The following KCNK2 variants were observed in gnomAD, a reference collection of about 807,000 sequenced individuals.
KCNK2 encodes the protein potassium channel subfamily K member 2.
A neutral mutation model predicts 40.5 loss-of-function variants in KCNK2; 21 were observed. That is an observed-to-expected ratio of 0.52 (90% CI 0.37 to 0.75). The LOEUF (loss-of-function observed/expected upper bound fraction) is 0.75. Ranked by LOEUF, KCNK2 falls within the 30% of genes least tolerant of loss-of-function variation. The pLI is 0.00. For missense variants in KCNK2, 399 were observed against 531.6 expected (o/e 0.75, Z 2.45); for synonymous variants, 191 against 202.2 (o/e 0.94, Z 0.47).
intron 6 of KCNK2, among the ~76,000 whole-genome samples, chr1:215,233,262 C>A (rs920217661): frequency 1.3e-5 from 2 of 151,688 alleles, no homozygotes; most frequent in Non-Finnish European, 2.9e-5. Context: ...CAGAGCCAGA[C>A]CTAGATATCA....
intron 3 of KCNK2, among the ~76,000 whole-genome samples, chr1:215,128,746 G>C (rs1169307739): frequency 6.6e-6 from 1 of 151,330 alleles, no homozygotes; most frequent in South Asian, 2.1e-4. Context: ...AGCTGGATTT[G>C]TTTTGGTGAT....
At chr1:215,220,120 T>A (rs935260591) in intron 6 of KCNK2, among the ~76,000 whole-genome samples, 4 of 152,244 alleles carry the variant, frequency 2.6e-5, no homozygotes, top group African/African-American at 7.2e-5. Flanking sequence ...TATTTTATAC[T>A]CATGCATATG....
intron 3 of KCNK2, among the ~76,000 whole-genome samples, chr1:215,136,012 C>T (rs906663427): frequency 3.3e-5 from 5 of 152,116 alleles, no homozygotes; most frequent in African/African-American, 1.2e-4. Context: ...GGATTACAGG[C>T]GTTAGCCACC....
chr1:215,172,556 A>G (rs1571692955), intron 5 of KCNK2, among the ~76,000 whole-genome samples: 1 of 152,154 alleles, frequency 6.6e-6, no homozygotes, highest in African/African-American at 2.4e-5. Context: ...CCTTCTGCTT[A>G]TAAGCATACC....
chr1:215,027,768 A>G (rs1657047482), intron 1 of KCNK2, among the ~76,000 whole-genome samples: 1 of 152,186 alleles, frequency 6.6e-6, no homozygotes, highest in South Asian at 2.1e-4. Context: ...GATGAATTTC[A>G]TTTTTTAAAA....
intron 6 of KCNK2, among the ~76,000 whole-genome samples, chr1:215,200,864 G>A (rs1007583367): frequency 6.6e-5 from 10 of 152,204 alleles, no homozygotes; most frequent in Middle Eastern, 3.2e-3. Context: ...GAGATTTTGC[G>A]TAAATTGGAG....
chr1:215,144,554 A>G (rs1662329707), intron 3 of KCNK2, among the ~76,000 whole-genome samples: 3 of 152,194 alleles, frequency 2.0e-5, no homozygotes, highest in South Asian at 2.1e-4. Context: ...ATAGACAGTC[A>G]GTACTTGAAA....
At chr1:215,010,213 T>A (rs1194200022) in intron 1 of KCNK2, among the ~76,000 whole-genome samples, 1 of 152,210 alleles carries the variant, frequency 6.6e-6, no homozygotes, top group Admixed American at 6.5e-5. Context: ...CAGGTCCAGA[T>A]ATTTTTCGCA....
At chr1:215,064,279 C>T (rs745854971) in intron 1 of KCNK2, among the ~76,000 whole-genome samples, 12 of 151,862 alleles carry the variant, frequency 7.9e-5, no homozygotes, top group Non-Finnish European at 1.6e-4. Flanking sequence ...TCATTTTCAA[C>T]AATTTTTTGT....
chr1:215,033,121 C>T (rs1208214195), intron 1 of KCNK2, among the ~76,000 whole-genome samples: 1 of 151,688 alleles, frequency 6.6e-6, no homozygotes, highest in East Asian at 1.9e-4. Context: ...ATTCTTTCCT[C>T]AGACATGTCC....
intron 3 of KCNK2, among the ~76,000 whole-genome samples, chr1:215,163,877 T>A (rs981334641): frequency 2.6e-5 from 4 of 152,178 alleles, no homozygotes; most frequent in African/African-American, 9.6e-5. Context: ...GGCCTGAATT[T>A]TTTTTGGCGT....
At chr1:215,129,340 G>GTTTC (rs1470460373) in intron 3 of KCNK2, among the ~76,000 whole-genome samples, 2 of 151,934 alleles carry the variant, frequency 1.3e-5, no homozygotes, top group Non-Finnish European at 2.9e-5. Flanking sequence ...TTGTTTGTTT[G>GTTTC]TTTCTTCTTG....
At chr1:215,203,320 C>T (rs1665156832) in intron 6 of KCNK2, among the ~76,000 whole-genome samples, 1 of 152,130 alleles carries the variant, frequency 6.6e-6, no homozygotes. Context: ...CTGCAAACAT[C>T]ACCAAAATGT....
chr1:215,188,610 C>T (rs1488590140), intron 5 of KCNK2, among the ~76,000 whole-genome samples: 1 of 152,046 alleles, frequency 6.6e-6, no homozygotes, highest in Admixed American at 6.6e-5. Context: ...AACCCCCAAG[C>T]AGTTAGTTCA....
intron 1 of KCNK2, among the ~76,000 whole-genome samples, chr1:215,019,150 T>C (rs151008888): frequency 1.3e-4 from 20 of 152,352 alleles, no homozygotes; most frequent in Non-Finnish European, 2.2e-4. Context: ...TTCTATGTAA[T>C]GTTTATACTT....
chr1:215,222,325 A>G (rs1666214692), intron 6 of KCNK2, among the ~76,000 whole-genome samples: 1 of 152,232 alleles, frequency 6.6e-6, no homozygotes, highest in Admixed American at 6.5e-5. Flanking sequence ...ATAGCAGAGC[A>G]GTGAAGAGAA....
intron 2 of KCNK2, among the ~76,000 whole-genome samples, chr1:215,098,431 G>A (rs1022034532): frequency 6.6e-6 from 1 of 151,802 alleles, no homozygotes; most frequent in Admixed American, 6.6e-5. Flanking sequence ...TAGTTTTCAC[G>A]TGACAAGGAT....
intron 1 of KCNK2, among the ~76,000 whole-genome samples, chr1:215,047,965 T>C (rs867960285): frequency 1.7e-4 from 26 of 152,176 alleles, no homozygotes; most frequent in African/African-American, 5.8e-4. Context: ...CACAATATTA[T>C]TTTCTTCATG....
chr1:215,080,332 G>A (rs1053181474), upstream of KCNK2, among the ~76,000 whole-genome samples: 2 of 152,148 alleles, frequency 1.3e-5, no homozygotes, highest in South Asian at 2.1e-4. Flanking sequence ...AAGAATAATC[G>A]AATTGCGAAC....
Sources: allele counts gnomAD v4.1 joint callset (sites outside exome capture counted in the v4.1 genomes callset), GRCh38; gene constraint gnomAD v4.1.1; transcripts MANE v1.5; gene names NCBI Gene and HGNC (gene_info 2026-07-23, HGNC 2026-07-21).